Variants in PDE8A observed in about 807,000 individuals in gnomAD.
The protein encoded by PDE8A is phosphodiesterase 8A.
Under a neutral mutation model 105.0 loss-of-function variants are expected in PDE8A, and 59 were observed. That is an observed-to-expected ratio of 0.56 (90% CI 0.46 to 0.70). PDE8A has a LOEUF of 0.70. Ranked by LOEUF, PDE8A falls within the 30% of genes least tolerant of loss-of-function variation. The pLI is 0.00. For synonymous variants in PDE8A, 355 were observed against 371.9 expected (o/e 0.95, Z 0.52); for missense variants, 1,014 against 1,045.9 (o/e 0.97, Z 0.42).
At chr15:85,037,972 T>A (rs2080735058) in intron 1 of PDE8A, among the ~76,000 whole-genome samples, 1 of 152,222 alleles carries the variant, frequency 6.6e-6, no homozygotes, top group South Asian at 2.1e-4. Flanking sequence ...CTTTTTCCAT[T>A]TTCTCCCAAC....
Position 84,982,055 on chromosome 15 carries a change from C to T in PDE8A, c.-108C>T. ...CGAGATCCGCGCTCGCCGCCGCCCG[C>T]CCAGGCGGCGATGACACGGCGCCCG... On this transcript the variant is annotated 5_prime_UTR_variant, in exon 1 of 22. Transcript: ENST00000394553. The T allele has an allele frequency of 1.7e-6, 1 of 571,794 alleles. No homozygotes were observed. Among genetic ancestry groups the T allele is most frequent in the East Asian group, 4.4e-5 (1 of 22,804 alleles). The allele number at this position is 571,794 out of a possible 1,614,324, so 35.4% of individuals were successfully genotyped here. A position where few individuals can be genotyped will look rare whatever the true frequency, so the allele number is the denominator to read the frequency against.
intron 16 of PDE8A, 40 bp downstream of exon 16, chr15:85,116,159 C>T: frequency 6.2e-7 from 1 of 1,607,454 alleles, no homozygotes; most frequent in African/African-American, 1.3e-5. Flanking sequence ...GAACTAGATT[C>T]CCAGGGCCTG....
chr15:85,074,475 G>C (rs1387310637), intron 3 of PDE8A, among the ~76,000 whole-genome samples: 1 of 152,258 alleles, frequency 6.6e-6, no homozygotes, highest in Non-Finnish European at 1.5e-5. Flanking sequence ...GCCAAGGCAG[G>C]AGACTGCTTG....
rs367737728 is a variant in PDE8A at position 85,102,631 on chromosome 15, G to A, written c.1036+2433G>A. Among the ~76,000 whole-genome samples the A allele has an allele frequency of 7.3e-5, 11 of 151,340 alleles. No homozygotes were observed. The South Asian group carries it at 1.1e-3, about 14-fold the overall frequency. On this transcript the variant is annotated intron_variant, in intron 11 of 21. Transcript: ENST00000394553. ...TGAGGCAGGCAGATCACCTGAGGTC[G>A]GGAGTTGAGAGCAGCCTGACCAACA...
intron 1 of PDE8A, among the ~76,000 whole-genome samples, chr15:84,987,091 G>A (rs552121071): frequency 2.0e-5 from 3 of 152,198 alleles, no homozygotes; most frequent in African/African-American, 7.2e-5. Context: ...TGCTGCCATA[G>A]TAAGTGACTA....
At chr15:85,041,719 C>T (rs2080811150) in intron 1 of PDE8A, among the ~76,000 whole-genome samples, 1 of 152,176 alleles carries the variant, frequency 6.6e-6, no homozygotes, top group Non-Finnish European at 1.5e-5. Context: ...GTCTCCCTTA[C>T]AAGAGGTTTA....
chr15:85,109,220 T>G (rs1233727967), intron 12 of PDE8A, 90 bp downstream of exon 12: 3 of 774,922 alleles, frequency 3.9e-6, no homozygotes, highest in Non-Finnish European at 6.4e-6. Context: ...TCATCCTGTC[T>G]ACCTCCAATT....
intron 3 of PDE8A, among the ~76,000 whole-genome samples, chr15:85,069,988 C>T (rs1225622085): frequency 2.0e-5 from 3 of 152,146 alleles, no homozygotes; most frequent in Non-Finnish European, 4.4e-5. Context: ...TTAAGATCAT[C>T]CCTTTAAGGA....
chr15:85,046,581 T>TAA (rs1480978387), intron 1 of PDE8A, among the ~76,000 whole-genome samples: 2 of 152,300 alleles, frequency 1.3e-5, no homozygotes, highest in East Asian at 3.9e-4. Flanking sequence ...ATAAAGCAGG[T>TAA]AAATCCCTGT....
intron 2 of PDE8A, among the ~76,000 whole-genome samples, chr15:85,066,586 ACACAC>A (rs2081230220): frequency 8.9e-5 from 1 of 11,236 alleles, no homozygotes; most frequent in African/African-American, 3.1e-4. Flanking sequence ...CCCCCAAAAC[ACACAC>A]ACACACACAC....
At position 85,035,500 on chromosome 15, in the gene PDE8A, G is replaced by A. The variant is rs147273985; in HGVS notation, c.187-28870G>A. 2.1e-3 allele frequency among the ~76,000 whole-genome samples: 315 copies of A among 152,066 alleles called. 7 individuals carry two copies. Among genetic ancestry groups the A allele is most frequent in the East Asian group, 0.016 (85 of 5,182 alleles). On this transcript the variant is annotated intron_variant, in intron 1 of 21. Coordinates refer to ENST00000394553, the MANE Select transcript of PDE8A (RefSeq NM_002605.3). ...GCTGGGATTACAGGCGTGAGCCACC[G>A]CGCCGGGCCCTGAGTATTAACTTTA...
chr15:85,043,708 G>GTTTTT (rs200898662), intron 1 of PDE8A, among the ~76,000 whole-genome samples: 6 of 151,046 alleles, frequency 4.0e-5, no homozygotes, highest in African/African-American at 1.5e-4. Context: ...TTGTTTGTTT[G>GTTTTT]TTTTTTTGAG....
chr15:85,006,897 T>G (rs1245318439), intron 1 of PDE8A, among the ~76,000 whole-genome samples: 1 of 152,114 alleles, frequency 6.6e-6, no homozygotes, highest in Non-Finnish European at 1.5e-5. Context: ...TTTGGACTAG[T>G]CCCTACGAAG....
At chr15:84,980,777 C>T (rs1017594814), upstream of PDE8A, 1 of 152,378 alleles carries the variant, frequency 6.6e-6, no homozygotes, top group Non-Finnish European at 1.5e-5. Context: ...GCGTACGCCC[C>T]TTCCCCTGGC....
At chr15:85,026,016 C>G (rs1011978082) in intron 1 of PDE8A, among the ~76,000 whole-genome samples, 1 of 152,190 alleles carries the variant, frequency 6.6e-6, no homozygotes, top group African/African-American at 2.4e-5. Context: ...ATAGTGGAAA[C>G]TCAGCACTGT....
intron 1 of PDE8A, chr15:85,063,142 A>G (rs373343236): frequency 1.3e-5 from 2 of 152,174 alleles, no homozygotes; most frequent in African/African-American, 4.8e-5. Flanking sequence ...AGAGCAATGC[A>G]GAAACTGAGC....
At chr15:85,135,294 C>T (rs1281703872) in intron 20 of PDE8A, among the ~76,000 whole-genome samples, 1 of 152,060 alleles carries the variant, frequency 6.6e-6, no homozygotes, top group African/African-American at 2.4e-5. Flanking sequence ...AGTGGTTAGC[C>T]TTTCTTCTGT....
At chr15:85,056,813 C>T (rs1027226768) in intron 1 of PDE8A, among the ~76,000 whole-genome samples, 1 of 152,224 alleles carries the variant, frequency 6.6e-6, no homozygotes, top group Non-Finnish European at 1.5e-5. Flanking sequence ...CTTCTTCTCT[C>T]AACTCGTCAA....
At chr15:85,090,221 T>C (rs1162246746) in intron 7 of PDE8A, among the ~76,000 whole-genome samples, 3 of 152,226 alleles carry the variant, frequency 2.0e-5, no homozygotes. Context: ...TTGGGCAAGT[T>C]GTTTAATCCA....
Sources: gnomAD v4.1 joint callset for allele counts (sites outside exome capture counted in the v4.1 genomes callset) on GRCh38, gnomAD v4.1.1 for gene constraint, MANE v1.5 for transcripts, NCBI Gene and HGNC (gene_info 2026-07-23, HGNC 2026-07-21) for gene names.